NAALADL2: variants seen among roughly 807,000 people sequenced by gnomAD.
The protein encoded by NAALADL2 is N-acetylated alpha-linked acidic dipeptidase like 2, also known as inactive N-acetylated-alpha-linked acidic dipeptidase-like protein 2.
A neutral mutation model predicts 87.2 loss-of-function variants in NAALADL2; 76 were observed. The observed-to-expected ratio is 0.87, with a 90% CI of 0.72 to 1.05. The LOEUF (loss-of-function observed/expected upper bound fraction) is 1.05, where lower values mean the gene tolerates loss of function less well. NAALADL2 is among the 50% of genes least tolerant of loss of function. The probability of loss-of-function intolerance (pLI) is 0.00; values close to 1 mark genes in which losing one functional copy is unlikely to be tolerated. For synonymous variants in NAALADL2, 354 were observed against 331.0 expected, an observed-to-expected ratio of 1.07 and a Z score of -0.75; for missense variants, 1,089 against 945.8, an observed-to-expected ratio of 1.15 and a Z score of -1.99.
At chr3:175,531,190 G>A (rs541122123) in intron 9 of NAALADL2, among the ~76,000 whole-genome samples, 2 of 152,126 alleles carry the variant, frequency 1.3e-5, no homozygotes, top group South Asian at 2.1e-4. Context: ...AGCCTTTCAG[G>A]TCATTCGATA....
intron 1 of NAALADL2, among the ~76,000 whole-genome samples, chr3:174,903,149 G>T (rs1404732078): frequency 6.6e-6 from 1 of 151,952 alleles, no homozygotes; most frequent in Non-Finnish European, 1.5e-5. Context: ...CATCCCTGCA[G>T]GAATTTAGAC....
rs562870057 is a variant in NAALADL2, at chr3:175,709,000, A to T, written c.1897-28306A>T. ...GATGCTGTACTTTACAACAGCTTAC[A>T]TGGAGTTTGTATACACTAATTGAGT... On this transcript the variant is annotated intron_variant, in intron 11 of 13. Transcript: ENST00000454872. Among the ~76,000 whole-genome samples the T allele has an allele frequency of 5.9e-5, 9 of 152,076 alleles. No individual in the cohort carries two copies. The South Asian group carries it at 1.9e-3, about 32-fold the overall frequency.
intron 1 of NAALADL2, among the ~76,000 whole-genome samples, chr3:175,013,266 TTTATATATATAC>T (rs1750335544): frequency 2.0e-5 from 2 of 100,296 alleles, no homozygotes; most frequent in African/African-American, 9.2e-5. Context: ...TACATATATT[TTTATATATATAC>T]ATATATATAT....
chr3:175,167,774 G>A (rs1180123048), intron 2 of NAALADL2, among the ~76,000 whole-genome samples: 3 of 151,986 alleles, frequency 2.0e-5, no homozygotes, highest in Non-Finnish European at 4.4e-5. Context: ...TTAAAAAACA[G>A]CATTTTCTCA....
At chr3:174,728,167 A>T (rs1399698460) in intron 2 of NAALADL2, among the ~76,000 whole-genome samples, 1 of 152,034 alleles carries the variant, frequency 6.6e-6, no homozygotes, top group Non-Finnish European at 1.5e-5. Flanking sequence ...ATTAATAAAG[A>T]TGCTATAAGC....
intron 13 of NAALADL2, among the ~76,000 whole-genome samples, chr3:175,772,139 G>A (rs1749576712): frequency 6.6e-6 from 1 of 152,166 alleles, no homozygotes; most frequent in South Asian, 2.1e-4. Flanking sequence ...AGGTCCTAGA[G>A]ATTAAAATCT....
At chr3:174,878,004 T>C (rs764728377) in intron 1 of NAALADL2, among the ~76,000 whole-genome samples, 32 of 152,036 alleles carry the variant, frequency 2.1e-4, no homozygotes, top group Non-Finnish European at 4.4e-4. Flanking sequence ...TACTTAAATA[T>C]TAGCTTTCTA....
chr3:175,732,985 A>C (rs2150069657), intron 11 of NAALADL2, among the ~76,000 whole-genome samples: 1 of 152,210 alleles, frequency 6.6e-6, no homozygotes, highest in Non-Finnish European at 1.5e-5. Flanking sequence ...ATGGGTTGGT[A>C]AGTGCAACAA....
intron 9 of NAALADL2, among the ~76,000 whole-genome samples, chr3:175,485,508 C>T (rs1727127145): frequency 6.6e-6 from 1 of 152,140 alleles, no homozygotes; most frequent in Admixed American, 6.5e-5. Context: ...AACCATGCAG[C>T]CTTCAGTCTG....
At chr3:175,044,194 G>T (rs916145543) in intron 1 of NAALADL2, among the ~76,000 whole-genome samples, 3 of 151,944 alleles carry the variant, frequency 2.0e-5, no homozygotes, top group African/African-American at 7.3e-5. Context: ...GAAACACAGT[G>T]GAATTTGTAT....
At chr3:174,664,896 C>T (rs977315741) in intron 2 of NAALADL2, among the ~76,000 whole-genome samples, 2 of 152,138 alleles carry the variant, frequency 1.3e-5, no homozygotes, top group Non-Finnish European at 2.9e-5. Flanking sequence ...CAACAAAGTC[C>T]CCTAGGTCTT....
chr3:175,106,974 C>A (rs564222433), intron 2 of NAALADL2, among the ~76,000 whole-genome samples: 2 of 151,920 alleles, frequency 1.3e-5, no homozygotes, highest in Admixed American at 6.6e-5. Flanking sequence ...ATATTTCTAG[C>A]TAACGAGAGA....
chr3:174,842,281 C>A (rs1017302620), intron 3 of NAALADL2, among the ~76,000 whole-genome samples: 2 of 152,088 alleles, frequency 1.3e-5, no homozygotes, highest in Non-Finnish European at 2.9e-5. Flanking sequence ...GAACTCCTGG[C>A]CTCAGGTGAT....
At chr3:175,202,836 G>A (rs1177356542) in intron 2 of NAALADL2, among the ~76,000 whole-genome samples, 1 of 152,022 alleles carries the variant, frequency 6.6e-6, no homozygotes, top group Non-Finnish European at 1.5e-5. Flanking sequence ...TGTCAATGAA[G>A]TTGTGTACCT....
intron 1 of NAALADL2, among the ~76,000 whole-genome samples, chr3:174,891,803 T>C (rs1194817316): frequency 6.6e-6 from 1 of 152,086 alleles, no homozygotes; most frequent in East Asian, 1.9e-4. Context: ...ATACATGACA[T>C]ACTGAGACAC....
chr3:175,212,052 T>C (rs911033430), intron 2 of NAALADL2, among the ~76,000 whole-genome samples: 1 of 152,054 alleles, frequency 6.6e-6, no homozygotes, highest in Admixed American at 6.6e-5. Context: ...TGTTGTAATG[T>C]TTTGTTTTTG....
chr3:175,728,897 G>T (rs994166390), intron 11 of NAALADL2, among the ~76,000 whole-genome samples: 1 of 152,002 alleles, frequency 6.6e-6, no homozygotes, highest in Non-Finnish European at 1.5e-5. Flanking sequence ...CCGGTTTCTT[G>T]TTTCTCTAAA....
At chr3:175,466,040 C>T (rs1442238052) in intron 7 of NAALADL2, among the ~76,000 whole-genome samples, 1 of 152,102 alleles carries the variant, frequency 6.6e-6, no homozygotes, top group Non-Finnish European at 1.5e-5. Context: ...ACTAAGGCAT[C>T]GAAAGTTGAA....
intron 2 of NAALADL2, among the ~76,000 whole-genome samples, chr3:175,182,905 A>AT (rs1736806546): frequency 2.0e-5 from 3 of 151,714 alleles, no homozygotes; most frequent in Non-Finnish European, 4.4e-5. Flanking sequence ...TTTTTAGTTG[A>AT]TTTTTTAATA....
Sources: gnomAD v4.1 joint callset for allele counts (sites outside exome capture counted in the v4.1 genomes callset) on GRCh38, gnomAD v4.1.1 for gene constraint, MANE v1.5 for transcripts, NCBI Gene and HGNC (gene_info 2026-07-23, HGNC 2026-07-21) for gene names.